Variants in NCOA7 observed in about 807,000 individuals in gnomAD.
The protein encoded by NCOA7 is 140 kDa estrogen receptor-associated protein.
NCOA7 carries 45 observed loss-of-function variants against 104.3 expected under a neutral mutation model. The observed-to-expected ratio is 0.43, with a 90% CI of 0.34 to 0.55. NCOA7 has a LOEUF of 0.55. NCOA7 is among the 20% of genes least tolerant of loss of function. The probability of loss-of-function intolerance (pLI) is 0.02; values close to 1 mark genes in which losing one functional copy is unlikely to be tolerated. For missense variants in NCOA7, 1,041 were observed against 1,119.7 expected, an observed-to-expected ratio of 0.93 and a Z score of 1.00; for synonymous variants, 398 against 402.3, an observed-to-expected ratio of 0.99 and a Z score of 0.13.
At position 125,795,742 on chromosome 6, in the gene NCOA7, G is replaced by C. The variant is rs183501618; in HGVS notation, c.-65+4675G>C. The stretch of plus-strand genomic sequence containing the variant: ...GGAAGGAATCTGCACATCTTACCCT[G>C]GTCTCTTGGACCCTGAGAGATTCAT... On this transcript the variant is annotated intron_variant, in intron 1 of 15. Coordinates refer to ENST00000392477, the MANE Select transcript of NCOA7 (RefSeq NM_181782.5). Among the ~76,000 whole-genome samples the C allele has an allele frequency of 3.0e-3, 456 of 152,090 alleles. 1 individual carries two copies. The highest frequency in any genetic ancestry group is 0.011 in the African/African-American group (440 of 41,498).
At chr6:125,895,989 G>A (rs202242599) in intron 10 of NCOA7, among the ~76,000 whole-genome samples, 1 of 143,462 alleles carries the variant, frequency 7.0e-6, no homozygotes, top group Non-Finnish European at 1.5e-5. Context: ...GTGTGTGTGT[G>A]TCTGTGTGTG....
intron 2 of NCOA7, among the ~76,000 whole-genome samples, chr6:125,852,540 G>A (rs1355226519): frequency 1.3e-5 from 2 of 152,132 alleles, no homozygotes; most frequent in Admixed American, 1.3e-4. Context: ...GTGGTATCAG[G>A]TCTTAGAGTT....
Position 125,889,705 on chromosome 6 carries a change from A to G in NCOA7, c.1651A>G (p.Ile551Val). Residue 551 changes from isoleucine to valine, a missense_variant, in exon 9 of 16, where the codon ATT becomes GTT. This residue lies in a region of NCOA7 where 914 missense variants were observed against 942.7 expected (regional missense o/e 0.97). Transcript: ENST00000392477. ...QKTELSDGKS[I>V]EPGGIDITLS... The stretch of plus-strand genomic sequence containing the variant: ...AACAGAATTAAGTGATGGAAAAAGT[A>G]TTGAACCAGGGGGAATAGACATTAC... 1 of 1,614,102 alleles carries G rather than the reference A, an allele frequency of 6.2e-7. No individual in the cohort carries two copies. The highest frequency in any genetic ancestry group is 8.5e-7 in the Non-Finnish European group (1 of 1,179,994).
intron 2 of NCOA7, among the ~76,000 whole-genome samples, chr6:125,844,027 G>A (rs1780382027): frequency 6.6e-6 from 1 of 152,156 alleles, no homozygotes; most frequent in Non-Finnish European, 1.5e-5. Context: ...TTTGGTTTTG[G>A]CCATTTCTGG....
chr6:125,786,573 CTTTTTTTTTTTTT>C (rs148199881), upstream of NCOA7, among the ~76,000 whole-genome samples: 1 of 121,086 alleles, frequency 8.3e-6, no homozygotes, highest in African/African-American at 3.1e-5. Context: ...TAATCATTGT[CTTTTTTTTTTTTT>C]TTTTTTTTGA....
At chr6:125,910,138 G>T (rs1786391138) in intron 10 of NCOA7, among the ~76,000 whole-genome samples, 1 of 152,116 alleles carries the variant, frequency 6.6e-6, no homozygotes, top group Non-Finnish European at 1.5e-5. Context: ...TCATAGAATG[G>T]CCTTATTTAG....
chr6:125,896,777 G>A (rs540657702), intron 10 of NCOA7, among the ~76,000 whole-genome samples: 205 of 152,240 alleles, frequency 1.3e-3, no homozygotes, highest in African/African-American at 4.5e-3. Flanking sequence ...TGACAAAAGA[G>A]CAAGACCCTG....
At chr6:125,782,955 C>T (rs1043391018) in intron 1 of NCOA7, among the ~76,000 whole-genome samples, 37 of 152,042 alleles carry the variant, frequency 2.4e-4, no homozygotes, top group African/African-American at 5.1e-4. Context: ...GTGAAAGAGG[C>T]GGGGGGCAGA....
intron 3 of NCOA7, among the ~76,000 whole-genome samples, chr6:125,868,887 A>G (rs1782647660): frequency 6.6e-6 from 1 of 152,212 alleles, no homozygotes; most frequent in Admixed American, 6.5e-5. Context: ...CTCTTATGAT[A>G]GAAATAGATG....
intron 1 of NCOA7, among the ~76,000 whole-genome samples, chr6:125,814,529 G>A (rs998542617): frequency 6.6e-6 from 1 of 152,224 alleles, no homozygotes; most frequent in Non-Finnish European, 1.5e-5. Flanking sequence ...AGGAATGTTA[G>A]TGCTCTGCAG....
At chr6:125,899,348 C>A (rs1312334017) in intron 10 of NCOA7, among the ~76,000 whole-genome samples, 1 of 152,206 alleles carries the variant, frequency 6.6e-6, no homozygotes, top group Admixed American at 6.5e-5. Flanking sequence ...CTTGCTTCTA[C>A]TGGGATCACA....
At chr6:125,875,819 TG>T (rs1219367417) in intron 4 of NCOA7, among the ~76,000 whole-genome samples, 1 of 152,218 alleles carries the variant, frequency 6.6e-6, no homozygotes, top group African/African-American at 2.4e-5. Flanking sequence ...ATTATATTCC[TG>T]GTAACTTGCA....
At chr6:125,829,586 C>CTGTG (rs1220595297) in intron 2 of NCOA7, among the ~76,000 whole-genome samples, 1 of 152,180 alleles carries the variant, frequency 6.6e-6, no homozygotes, top group Non-Finnish European at 1.5e-5. Context: ...AAAGATGTTC[C>CTGTG]TGTGTTTTCT....
chr6:125,918,529 G>A (rs946632480), intron 11 of NCOA7, among the ~76,000 whole-genome samples: 2 of 152,192 alleles, frequency 1.3e-5, no homozygotes, highest in African/African-American at 4.8e-5. Flanking sequence ...GGCCACTTCG[G>A]ATCTGGAAGA....
intron 10 of NCOA7, among the ~76,000 whole-genome samples, chr6:125,911,937 G>A (rs1477520962): frequency 6.6e-6 from 1 of 152,178 alleles, no homozygotes; most frequent in Non-Finnish European, 1.5e-5. Context: ...TGAAACAGAA[G>A]CAAAAACTTG....
chr6:125,870,243 T>C (rs1313835834), intron 3 of NCOA7, among the ~76,000 whole-genome samples: 1 of 152,212 alleles, frequency 6.6e-6, no homozygotes, highest in African/African-American at 2.4e-5. Flanking sequence ...GTCCTGTCTT[T>C]AGTCCACTAC....
At chr6:125,838,016 C>T (rs1048185008) in intron 2 of NCOA7, among the ~76,000 whole-genome samples, 11 of 152,202 alleles carry the variant, frequency 7.2e-5, no homozygotes, top group Admixed American at 4.6e-4. Flanking sequence ...CAAAGCCCTT[C>T]CTAGTCCTTA....
chr6:125,913,656 T>C (rs1048984648), intron 10 of NCOA7: 1 of 984,094 alleles, frequency 1.0e-6, no homozygotes, highest in Non-Finnish European at 1.2e-6. Flanking sequence ...GAAGGAGAAC[T>C]CTCTAAAGAA....
chr6:125,925,391 G>A (rs1183269166), intron 13 of NCOA7, among the ~76,000 whole-genome samples: 3 of 152,212 alleles, frequency 2.0e-5, no homozygotes, highest in Non-Finnish European at 4.4e-5. Context: ...CCTTTCTGGA[G>A]ACAGGGTAAA....
Sources: gnomAD v4.1 joint callset for allele counts (sites outside exome capture counted in the v4.1 genomes callset) on GRCh38, gnomAD v4.1.1 for gene constraint, gnomAD v4.1.1 regional missense constraint, MANE v1.5 for transcripts, NCBI Gene and HGNC (gene_info 2026-07-23, HGNC 2026-07-21) for gene names.